The following MAF variants were observed in gnomAD, a reference collection of about 807,000 sequenced individuals.
The protein encoded by MAF is MAF bZIP transcription factor.
In MAF, 10 loss-of-function variants were observed where a neutral mutation model predicts 22.0. The observed-to-expected ratio is 0.45, with a 90% CI of 0.28 to 0.77. The LOEUF (loss-of-function observed/expected upper bound fraction) is 0.77, where lower values mean the gene tolerates loss of function less well. Among genes scored for constraint, MAF ranks in the 30% least tolerant of loss-of-function variants. The pLI, the probability that MAF is intolerant of heterozygous loss-of-function variation, is 0.12. For synonymous variants in MAF, 337 were observed against 255.8 expected (o/e 1.32, Z -3.03); for missense variants, 544 against 548.4 (o/e 0.99, Z 0.08).
the MAF span, among the ~76,000 whole-genome samples, chr16:79,305,320 C>T: frequency 6.6e-6 from 1 of 152,226 alleles, no homozygotes; most frequent in African/African-American, 2.4e-5. Context: ...CGCCTGTGCT[C>T]TGCACAGGGG....
the MAF span, among the ~76,000 whole-genome samples, chr16:79,213,677 C>G: frequency 6.6e-6 from 1 of 151,750 alleles, no homozygotes; most frequent in Admixed American, 6.5e-5. Context: ...CTCCCAGAAC[C>G]GGCATCCAGC....
the MAF span, among the ~76,000 whole-genome samples, chr16:79,364,672 T>C: frequency 1.3e-5 from 2 of 152,186 alleles, no homozygotes; most frequent in African/African-American, 4.8e-5. Flanking sequence ...AATCCATGTG[T>C]ATATGTGCCA....
At chr16:79,561,342 T>A in the MAF span, among the ~76,000 whole-genome samples, 2 of 151,970 alleles carry the variant, frequency 1.3e-5, no homozygotes, top group African/African-American at 4.8e-5. Context: ...ATACTTTAAG[T>A]TTTAGGGTAC....
chr16:79,413,275 C>G, the MAF span, among the ~76,000 whole-genome samples: 16 of 104,054 alleles, frequency 1.5e-4, no homozygotes, highest in African/African-American at 6.0e-4. Context: ...CGGAGTCTCG[C>G]TCTGTCACCC....
chr16:79,538,871 A>AAAAGAAAGAAAGAAAG, the MAF span, among the ~76,000 whole-genome samples: 31 of 104,338 alleles, frequency 3.0e-4, no homozygotes, highest in East Asian at 9.2e-4. Context: ...AAAAGAAAAG[A>AAAAGAAAGAAAGAAAG]AAAGAAAGAA....
chr16:79,555,771 C>G, the MAF span, among the ~76,000 whole-genome samples: 1 of 152,192 alleles, frequency 6.6e-6, no homozygotes, highest in Admixed American at 6.5e-5. Flanking sequence ...CACTTCTGAT[C>G]TCAAGAATTT....
chr16:79,320,405 C>A, the MAF span, among the ~76,000 whole-genome samples: 1 of 152,140 alleles, frequency 6.6e-6, no homozygotes, highest in Admixed American at 6.5e-5. Flanking sequence ...CTGCAGGACA[C>A]GCTGCTGCTT....
At chr16:79,509,749 C>G in the MAF span, among the ~76,000 whole-genome samples, 1 of 152,206 alleles carries the variant, frequency 6.6e-6, no homozygotes, top group African/African-American at 2.4e-5. Flanking sequence ...TCTTTTAGGC[C>G]TGGTTTTGAT....
chr16:79,555,740 T>C, the MAF span, among the ~76,000 whole-genome samples: 3 of 152,184 alleles, frequency 2.0e-5, no homozygotes, highest in Non-Finnish European at 4.4e-5. Context: ...TTCCAAACTC[T>C]GAAAAACTCT....
the MAF span, among the ~76,000 whole-genome samples, chr16:79,356,309 T>G: frequency 6.6e-6 from 1 of 152,138 alleles, no homozygotes; most frequent in African/African-American, 2.4e-5. Flanking sequence ...GCTCTCAATT[T>G]TAACTAACGA....
chr16:79,505,989 G>A, the MAF span, among the ~76,000 whole-genome samples: 2 of 152,014 alleles, frequency 1.3e-5, no homozygotes, highest in Non-Finnish European at 2.9e-5. Flanking sequence ...CAAAAGAAGG[G>A]AAGGGGAAAG....
the MAF span, among the ~76,000 whole-genome samples, chr16:79,466,585 G>T: frequency 1.2e-4 from 18 of 152,326 alleles, no homozygotes; most frequent in Middle Eastern, 6.8e-3. Context: ...TCAGCTGCAT[G>T]ATGCTGTCTA....
At chr16:79,532,012 A>G in the MAF span, among the ~76,000 whole-genome samples, 106,748 of 152,132 alleles carry the variant, frequency 0.7, 41,052 homozygotes, top group Non-Finnish European at 0.86. Flanking sequence ...ACAATAGGGA[A>G]TACCCAGTCC....
At chr16:79,360,006 G>T in the MAF span, among the ~76,000 whole-genome samples, 2 of 152,290 alleles carry the variant, frequency 1.3e-5, no homozygotes, top group South Asian at 4.1e-4. Flanking sequence ...TAGGACCAGA[G>T]GGAAGAACCT....
At chr16:79,582,091 G>A (rs1278972124), downstream of MAF, among the ~76,000 whole-genome samples, 2 of 152,106 alleles carry the variant, frequency 1.3e-5, no homozygotes, top group South Asian at 2.1e-4. Flanking sequence ...AATAGAGACC[G>A]AAAACAAACC....
the MAF span, among the ~76,000 whole-genome samples, chr16:79,303,378 G>C: frequency 6.6e-6 from 1 of 152,306 alleles, no homozygotes; most frequent in Admixed American, 6.5e-5. Context: ...GATTGCAGTG[G>C]GAAGTTAAAG....
At chr16:79,353,530 C>T in the MAF span, among the ~76,000 whole-genome samples, 2 of 152,146 alleles carry the variant, frequency 1.3e-5, no homozygotes, top group Admixed American at 1.3e-4. Flanking sequence ...ATCTCCGTAT[C>T]AGGGGAACGG....
the MAF span, among the ~76,000 whole-genome samples, chr16:79,249,402 G>A: frequency 7.3e-6 from 1 of 137,142 alleles, no homozygotes; most frequent in Non-Finnish European, 1.5e-5. Context: ...CTGGGTGACA[G>A]AGTGAAACTC....
the MAF span, among the ~76,000 whole-genome samples, chr16:79,467,050 T>C: frequency 1.3e-5 from 2 of 152,326 alleles, no homozygotes; most frequent in African/African-American, 4.8e-5. Flanking sequence ...GGAAAGATCT[T>C]TTCAATATTA....
Sources: gnomAD v4.1 joint callset for allele counts (sites outside exome capture counted in the v4.1 genomes callset) on GRCh38, gnomAD v4.1.1 for gene constraint, MANE v1.5 for transcripts, NCBI Gene and HGNC (gene_info 2026-07-23, HGNC 2026-07-21) for gene names.